ZNF804B: variants seen among roughly 807,000 people sequenced by gnomAD.
The protein encoded by ZNF804B is zinc finger 804B.
Under a neutral mutation model 101.4 loss-of-function variants are expected in ZNF804B, and 80 were observed. The ratio of observed to expected loss-of-function variants is 0.79; its 90% CI spans 0.66 to 0.95. The LOEUF (loss-of-function observed/expected upper bound fraction) is 0.95, where lower values mean the gene tolerates loss of function less well. Among genes scored for constraint, ZNF804B ranks in the 40% least tolerant of loss-of-function variants. The pLI, the probability that ZNF804B is intolerant of heterozygous loss-of-function variation, is 0.00. For synonymous variants in ZNF804B, 622 were observed against 558.8 expected (o/e 1.11, Z -1.59); for missense variants, 1,673 against 1,561.9 (o/e 1.07, Z -1.20).
intron 2 of ZNF804B, among the ~76,000 whole-genome samples, chr7:89,284,689 T>A (rs1276377169): frequency 1.3e-5 from 2 of 151,836 alleles, no homozygotes; most frequent in Non-Finnish European, 2.9e-5. Flanking sequence ...AAGGCACATC[T>A]GTAGACTCTA....
intron 1 of ZNF804B, among the ~76,000 whole-genome samples, chr7:89,213,412 C>G (rs1345345956): frequency 6.6e-6 from 1 of 152,210 alleles, no homozygotes; most frequent in Non-Finnish European, 1.5e-5. Context: ...GAATTCAATT[C>G]TCACAGCTCT....
chr7:89,172,296 G>GT, intron 1 of ZNF804B, among the ~76,000 whole-genome samples: 1 of 152,106 alleles, frequency 6.6e-6, no homozygotes, highest in East Asian at 1.9e-4. Flanking sequence ...GAGGGCACCA[G>GT]TTTGCAGTAG....
At chr7:89,171,285 G>GCTTCTTCTTCTTCTT (rs1554373340) in intron 1 of ZNF804B, among the ~76,000 whole-genome samples, 218 of 64,584 alleles carry the variant, frequency 3.4e-3, no homozygotes, top group African/African-American at 5.2e-3. Flanking sequence ...TAATGCTGCT[G>GCTTCTTCTTCTTCTT]CTGCTTCTTC....
At chr7:89,228,761 C>T (rs901846602) in intron 2 of ZNF804B, among the ~76,000 whole-genome samples, 7 of 152,206 alleles carry the variant, frequency 4.6e-5, no homozygotes, top group East Asian at 1.9e-4. Context: ...CTGCACCATG[C>T]GCCCACACTC....
Position 89,219,978 on chromosome 7 carries a change from T to C in ZNF804B, c.249+1683T>C, listed in dbSNP as rs1018350171. ...ATATATGTGTGCATATATATGTATA[T>C]ACATATGTGTGCATATATGTATATG... On this transcript the variant is annotated intron_variant, in intron 2 of 3. Transcript: ENST00000333190. Among the ~76,000 whole-genome samples the C allele has an allele frequency of 2.9e-4, 19 of 65,074 alleles. 3 individuals carry two copies. The highest frequency in any genetic ancestry group is 8.8e-4 in the South Asian group (2 of 2,266). 42.7% of individuals were successfully genotyped at this position (65,074 alleles called of 152,430 possible). A position where few individuals can be genotyped will look rare whatever the true frequency, so the allele number is the denominator to read the frequency against.
At chr7:88,977,193 CT>C (rs138384329) in intron 1 of ZNF804B, among the ~76,000 whole-genome samples, 27,769 of 145,770 alleles carry the variant, frequency 0.19, 2,726 homozygotes, top group Middle Eastern at 0.23. Flanking sequence ...CCCATAAATT[CT>C]TTTTTTTTTG....
In ZNF804B at chr7:89,037,752, T is replaced by A. The variant is rs145187098; in HGVS notation, c.109-180403T>A. ...CATGCTATATATTAGATCTCCAGAA[T>A]TTGTTCATCCTGCCTAACTGGAACT... On this transcript the variant is annotated intron_variant, in intron 1 of 3. Coordinates refer to ENST00000333190, the MANE Select transcript of ZNF804B (RefSeq NM_181646.5). Among the ~76,000 whole-genome samples the A allele has an allele frequency of 3.3e-5, 5 of 152,190 alleles. No homozygotes were observed. The East Asian group carries it at 9.7e-4, about 29-fold the overall frequency.
intron 1 of ZNF804B, among the ~76,000 whole-genome samples, chr7:89,085,035 G>T (rs992036568): frequency 1.3e-5 from 2 of 151,860 alleles, no homozygotes; most frequent in Non-Finnish European, 2.9e-5. Context: ...CAAGGGGACA[G>T]ACTGTTTCTG....
At chr7:89,086,992 A>T (rs1039399174) in intron 1 of ZNF804B, among the ~76,000 whole-genome samples, 1 of 151,884 alleles carries the variant, frequency 6.6e-6, no homozygotes, top group Admixed American at 6.6e-5. Flanking sequence ...GATAATAAAA[A>T]AAAATTGTAG....
rs998472407 is a variant in ZNF804B at position 88,759,870 on chromosome 7, G to T, written c.-107G>T. 5.7e-6 allele frequency: 5 copies of T among 872,762 alleles called. No homozygotes were observed. Among genetic ancestry groups the T allele is most frequent in the East Asian group, 5.0e-5 (2 of 40,110 alleles). The allele number at this position is 872,762 out of a possible 1,614,324, so 54.1% of individuals were successfully genotyped here. ...CCTCCCCCTGCGTCCTGCTGGCCGC[G>T]TCTTCTCGGGAGGTGGTAGTCGCTG... On this transcript the variant is annotated 5_prime_UTR_variant, in exon 1 of 4. Transcript: ENST00000333190.
At chr7:89,252,925 T>C (rs1789564372) in intron 2 of ZNF804B, among the ~76,000 whole-genome samples, 1 of 152,142 alleles carries the variant, frequency 6.6e-6, no homozygotes, top group Non-Finnish European at 1.5e-5. Context: ...GTTACTATGC[T>C]CAGTAACTGG....
At chr7:89,057,391 C>T (rs10486896) in intron 1 of ZNF804B, among the ~76,000 whole-genome samples, 17,855 of 151,964 alleles carry the variant, frequency 0.12, 1,529 homozygotes, top group East Asian at 0.29. Flanking sequence ...AGTTTCAAGA[C>T]TAAAGAGATA....
At chr7:89,015,763 T>A (rs1788542112) in intron 1 of ZNF804B, among the ~76,000 whole-genome samples, 1 of 152,174 alleles carries the variant, frequency 6.6e-6, no homozygotes, top group South Asian at 2.1e-4. Flanking sequence ...TGGTTCCAAG[T>A]CTTTGCTATT....
chr7:89,026,361 A>G (rs1788751374), intron 1 of ZNF804B, among the ~76,000 whole-genome samples: 1 of 152,184 alleles, frequency 6.6e-6, no homozygotes, highest in Non-Finnish European at 1.5e-5. Context: ...TGGAATATAC[A>G]AAGAGCTGGG....
intron 1 of ZNF804B, among the ~76,000 whole-genome samples, chr7:88,763,144 G>A (rs1789924407): frequency 6.6e-6 from 1 of 151,934 alleles, no homozygotes; most frequent in African/African-American, 2.4e-5. Flanking sequence ...CAATTATATA[G>A]GTAAAGTAGT....
chr7:88,870,067 A>G (rs977647790), intron 1 of ZNF804B, among the ~76,000 whole-genome samples: 2 of 152,160 alleles, frequency 1.3e-5, no homozygotes, highest in Non-Finnish European at 2.9e-5. Context: ...CCCTCCAGGG[A>G]TGCTGCCAAC....
intron 2 of ZNF804B, among the ~76,000 whole-genome samples, chr7:89,325,694 A>G (rs1790886182): frequency 6.6e-6 from 1 of 151,986 alleles, no homozygotes; most frequent in African/African-American, 2.4e-5. Flanking sequence ...TAAATGAATC[A>G]ATTTCCTTCT....
intron 1 of ZNF804B, among the ~76,000 whole-genome samples, chr7:89,177,395 T>C (rs967149908): frequency 6.6e-6 from 1 of 152,232 alleles, no homozygotes; most frequent in African/African-American, 2.4e-5. Context: ...AGAAGCATAT[T>C]GTTCAATTAC....
intron 2 of ZNF804B, among the ~76,000 whole-genome samples, chr7:89,277,741 A>G (rs1208858): frequency 0.4 from 60,971 of 150,920 alleles, 12,602 homozygotes; most frequent in African/African-American, 0.46. Flanking sequence ...TCTTAATCCC[A>G]TCTATCATTT....
Sources: allele counts gnomAD v4.1 joint callset (sites outside exome capture counted in the v4.1 genomes callset), GRCh38; gene constraint gnomAD v4.1.1; transcripts MANE v1.5; gene names NCBI Gene and HGNC (gene_info 2026-07-23, HGNC 2026-07-21).